TRPC4: variants seen among roughly 807,000 people sequenced by gnomAD.
TRPC4 encodes short transient receptor potential channel 4.
Under a neutral mutation model 99.4 loss-of-function variants are expected in TRPC4, and 49 were observed. The ratio of observed to expected loss-of-function variants is 0.49; its 90% CI spans 0.39 to 0.63. The LOEUF (loss-of-function observed/expected upper bound fraction) is 0.63. Ranked by LOEUF, TRPC4 falls within the 20% of genes least tolerant of loss-of-function variation. The pLI is 0.00. For synonymous variants in TRPC4, 454 were observed against 425.9 expected (o/e 1.07, Z -0.81); for missense variants, 898 against 1,152.9 (o/e 0.78, Z 3.20).
intron 2 of TRPC4, among the ~76,000 whole-genome samples, chr13:37,753,575 AAGAGAGAG>A (rs61394712): frequency 0.025 from 3,365 of 137,324 alleles, 64 homozygotes; most frequent in South Asian, 0.033. Flanking sequence ...GAGAGAGAGA[AAGAGAGAG>A]AGAGAGAGAG....
At chr13:37,771,333 C>T (rs1248397248) in intron 2 of TRPC4, among the ~76,000 whole-genome samples, 2 of 151,734 alleles carry the variant, frequency 1.3e-5, no homozygotes, top group East Asian at 3.9e-4. Flanking sequence ...CTACTTCTCT[C>T]ATCTTAGGTT....
intron 5 of TRPC4, among the ~76,000 whole-genome samples, chr13:37,669,134 C>G (rs1382038002): frequency 1.3e-5 from 2 of 151,962 alleles, no homozygotes; most frequent in Admixed American, 1.3e-4. Context: ...AAAGAAAAGC[C>G]ACAATGATGG....
chr13:37,774,858 A>T (rs1245937000), intron 2 of TRPC4, among the ~76,000 whole-genome samples: 1 of 151,774 alleles, frequency 6.6e-6, no homozygotes, highest in South Asian at 2.1e-4. Context: ...CCTTCTAATC[A>T]TAATATGTAT....
intron 6 of TRPC4, among the ~76,000 whole-genome samples, chr13:37,662,032 G>A (rs141275832): frequency 5.9e-5 from 9 of 152,220 alleles, no homozygotes; most frequent in East Asian, 3.9e-4. Flanking sequence ...CTGGAAGGCC[G>A]GCGAAGTGGC....
intron 1 of TRPC4, among the ~76,000 whole-genome samples, chr13:37,812,513 G>A (rs1414893331): frequency 6.6e-6 from 1 of 151,984 alleles, no homozygotes; most frequent in East Asian, 1.9e-4. Flanking sequence ...CATTGGATAT[G>A]CTCAATGGCA....
intron 2 of TRPC4, among the ~76,000 whole-genome samples, chr13:37,775,172 G>A (rs1239215017): frequency 6.6e-6 from 1 of 151,610 alleles, no homozygotes; most frequent in Non-Finnish European, 1.5e-5. Context: ...AAACTTCACA[G>A]GGTATTTGCT....
intron 1 of TRPC4, among the ~76,000 whole-genome samples, chr13:37,849,891 G>A (rs1218721765): frequency 6.6e-6 from 1 of 152,168 alleles, no homozygotes; most frequent in African/African-American, 2.4e-5. Flanking sequence ...AAACAACACA[G>A]AAGACAAATA....
chr13:37,682,098 C>A (rs1016255041), intron 4 of TRPC4, among the ~76,000 whole-genome samples: 2 of 152,178 alleles, frequency 1.3e-5, no homozygotes, highest in Non-Finnish European at 2.9e-5. Flanking sequence ...TGTAACTCTG[C>A]AAATAGATCT....
intron 1 of TRPC4, among the ~76,000 whole-genome samples, chr13:37,834,046 T>G (rs12583641): frequency 0.21 from 31,311 of 151,976 alleles, 3,292 homozygotes; most frequent in African/African-American, 0.24. Flanking sequence ...ATGCTATATT[T>G]GCATTTTTCA....
intron 1 of TRPC4, among the ~76,000 whole-genome samples, chr13:37,816,659 TA>T (rs1173067776): frequency 6.6e-6 from 1 of 151,602 alleles, no homozygotes; most frequent in East Asian, 1.9e-4. Flanking sequence ...AAGTAGCACA[TA>T]AAAAAAGCTA....
At chr13:37,807,679 G>T (rs1957562331) in intron 1 of TRPC4, among the ~76,000 whole-genome samples, 1 of 152,012 alleles carries the variant, frequency 6.6e-6, no homozygotes, top group African/African-American at 2.4e-5. Flanking sequence ...ACCTATGGAA[G>T]TCCACTGCAC....
At position 37,815,020 on chromosome 13, in the gene TRPC4, C is replaced by A. The variant is rs9576364; in HGVS notation, c.-27-31660G>T. The stretch of plus-strand genomic sequence containing the variant: ...ATTGATTTGAGGGTCAGAAAATAAA[C>A]CCTTATGCTTATGATCAGTTGATTT... On this transcript the variant is annotated intron_variant, in intron 1 of 10. Transcript: ENST00000379705. Among the ~76,000 whole-genome samples, 65 of 151,556 alleles carry A rather than the reference C, an allele frequency of 4.3e-4. 1 individual carries two copies. In the East Asian group the frequency reaches 0.012, roughly 27 times the overall value.
intron 3 of TRPC4, among the ~76,000 whole-genome samples, chr13:37,737,904 T>A (rs1677320989): frequency 1.3e-5 from 2 of 152,188 alleles, no homozygotes; most frequent in Admixed American, 6.6e-5. Context: ...AGAAGATATG[T>A]CTATGGTATA....
At chr13:37,791,102 A>T (rs1348055804) in intron 1 of TRPC4, among the ~76,000 whole-genome samples, 1 of 152,066 alleles carries the variant, frequency 6.6e-6, no homozygotes, top group Admixed American at 6.6e-5. Context: ...GAAAGTATGA[A>T]GATGAAACAG....
At chr13:37,864,993 G>A (rs1479739262) in intron 1 of TRPC4, among the ~76,000 whole-genome samples, 1 of 151,684 alleles carries the variant, frequency 6.6e-6, no homozygotes, top group East Asian at 1.9e-4. Context: ...TCTACTGAAT[G>A]GATAAGATTT....
intron 2 of TRPC4, among the ~76,000 whole-genome samples, chr13:37,765,205 T>C (rs2139261394): frequency 6.6e-6 from 1 of 151,590 alleles, no homozygotes; most frequent in South Asian, 2.1e-4. Flanking sequence ...TTATCAAATC[T>C]ATCAGTGTCT....
intron 4 of TRPC4, among the ~76,000 whole-genome samples, chr13:37,690,646 G>T (rs568694387): frequency 4.3e-4 from 66 of 152,234 alleles, no homozygotes; most frequent in South Asian, 1.2e-3. Context: ...ACCCACTTTA[G>T]ATTAATGAGA....
chr13:37,791,129 C>T lies in TRPC4; in HGVS notation c.-27-7769G>A, dbSNP rs1453546658. Among the ~76,000 whole-genome samples the T allele has an allele frequency of 2.0e-5, 3 of 152,068 alleles. No individual in the cohort carries two copies. In the East Asian group the frequency reaches 5.8e-4, roughly 29 times the overall value. ...ATGAAACAGGCCTGTCATGGTGGCT[C>T]ACACCTGTAATCCCAGCACTTTGGG... On this transcript the variant is annotated intron_variant, in intron 1 of 10. Transcript: ENST00000379705.
At chr13:37,842,642 T>A (rs1452119137) in intron 1 of TRPC4, among the ~76,000 whole-genome samples, 1 of 152,262 alleles carries the variant, frequency 6.6e-6, no homozygotes, top group Non-Finnish European at 1.5e-5. Context: ...TGTTCCCACA[T>A]GGTGAAAGGA....
Sources: gnomAD v4.1 joint callset for allele counts (sites outside exome capture counted in the v4.1 genomes callset) on GRCh38, gnomAD v4.1.1 for gene constraint, MANE v1.5 for transcripts, NCBI Gene and HGNC (gene_info 2026-07-23, HGNC 2026-07-21) for gene names.